The following GPRC6A variants were observed in gnomAD, a reference collection of about 807,000 sequenced individuals.
GPRC6A encodes the protein G protein-coupled receptor family C group 6 member A.
A neutral mutation model predicts 47.0 loss-of-function variants in GPRC6A; 54 were observed. The observed-to-expected ratio is 1.15, with a 90% confidence interval of 0.92 to 1.44. The LOEUF is 1.44. Among genes scored for constraint, GPRC6A ranks in the 40% most tolerant of loss-of-function variants. The pLI, the probability that GPRC6A is intolerant of heterozygous loss-of-function variation, is 0.00. For missense variants in GPRC6A, 1,112 were observed against 1,105.5 expected (o/e 1.01, Z -0.08); for synonymous variants, 347 against 377.1 (o/e 0.92, Z 0.93).
intron 1 of GPRC6A, among the ~76,000 whole-genome samples, chr6:116,818,511 G>A (rs1470708360): frequency 1.2e-5 from 1 of 81,772 alleles, no homozygotes; most frequent in African/African-American, 4.4e-5. Context: ...TCCAGCCTGG[G>A]CGACAGAGCG....
chr6:116,810,109 A>G (rs906916778), intron 1 of GPRC6A, among the ~76,000 whole-genome samples: 10 of 152,160 alleles, frequency 6.6e-5, no homozygotes, highest in Non-Finnish European at 1.0e-4. Flanking sequence ...GTTCTGAGAC[A>G]TAGCTATTTC....
intron 1 of GPRC6A, among the ~76,000 whole-genome samples, chr6:116,811,206 A>C (rs1001339159): frequency 6.6e-6 from 1 of 152,164 alleles, no homozygotes; most frequent in African/African-American, 2.4e-5. Context: ...AGTCATGGCC[A>C]AAAAAATCAA....
intron 1 of GPRC6A, among the ~76,000 whole-genome samples, chr6:116,814,564 G>A (rs956665692): frequency 3.9e-5 from 6 of 152,128 alleles, no homozygotes; most frequent in South Asian, 2.1e-4. Flanking sequence ...GAGATCACTT[G>A]GACACAGGGC....
chr6:116,818,040 G>T (rs1222423624), intron 1 of GPRC6A, among the ~76,000 whole-genome samples: 2 of 152,080 alleles, frequency 1.3e-5, no homozygotes. Flanking sequence ...ACGCCACAAA[G>T]ATACTCCTCG....
chr6:116,823,920 T>A (rs557844607), intron 1 of GPRC6A, among the ~76,000 whole-genome samples: 52 of 152,052 alleles, frequency 3.4e-4, no homozygotes, highest in Non-Finnish European at 5.6e-4. Context: ...AACTGTATCA[T>A]AAGAACAGCA....
intron 1 of GPRC6A, among the ~76,000 whole-genome samples, chr6:116,818,828 T>C (rs1773346707): frequency 6.6e-6 from 1 of 151,716 alleles, no homozygotes; most frequent in Non-Finnish European, 1.5e-5. Context: ...GCTATCATTA[T>C]AATGACAGGA....
chr6:116,798,885 A>G (rs992512247), intron 4 of GPRC6A, among the ~76,000 whole-genome samples: 64 of 129,058 alleles, frequency 5.0e-4, no homozygotes, highest in Admixed American at 1.8e-3. Flanking sequence ...TCCATCTTGG[A>G]AAAAAAAAAA....
chr6:116,795,893 T>G (rs1016905514), intron 4 of GPRC6A, 58 bp from the exon 5 acceptor site: 94 of 1,153,410 alleles, frequency 8.1e-5, no homozygotes, highest in Non-Finnish European at 1.1e-4. Flanking sequence ...ATTATCCTAA[T>G]CGATTATCCT....
chr6:116,793,783 A>G (rs550351920), intron 5 of GPRC6A, among the ~76,000 whole-genome samples: 15 of 152,320 alleles, frequency 9.8e-5, no homozygotes, highest in African/African-American at 3.6e-4. Context: ...ACAGACCATT[A>G]CACATAGTAG....
chr6:116,800,788 A>G lies in GPRC6A; in HGVS notation c.1344T>C (p.Gly448=). The part of the protein sequence containing the change: ...PNAFQPWELL[G]VLKNVTFTDG... ...CAGTGAATGTCACATTTTTTAGCAC[A>G]CCAAGTAACTATAAAAAATAAAAAC... The change falls in exon 4 of 6, where the codon GGT becomes GGC. Residue 448 remains glycine, a synonymous_variant. Transcript: ENST00000310357. 1 of 1,597,232 alleles carries G rather than the reference A, an allele frequency of 6.3e-7. No individual in the cohort carries two copies. Among genetic ancestry groups the G allele is most frequent in the Non-Finnish European group, 8.6e-7 (1 of 1,166,820 alleles).
intron 1 of GPRC6A, among the ~76,000 whole-genome samples, chr6:116,817,421 A>G (rs1397356218): frequency 6.6e-6 from 1 of 151,092 alleles, no homozygotes; most frequent in Non-Finnish European, 1.5e-5. Flanking sequence ...AGTAGATAAA[A>G]CCACAAAGAT....
At chr6:116,801,936 C>T (rs1460330073) in intron 3 of GPRC6A, among the ~76,000 whole-genome samples, 1 of 152,066 alleles carries the variant, frequency 6.6e-6, no homozygotes, top group Non-Finnish European at 1.5e-5. Flanking sequence ...AAAGAATATG[C>T]AAGGGCCTAC....
In GPRC6A at chr6:116,807,065, T is replaced by C; in HGVS notation, c.640A>G (p.Ile214Val). 1.2e-6 allele frequency: 2 copies of C among 1,613,812 alleles called. No homozygotes were observed. The highest frequency in any genetic ancestry group is 1.7e-6 in the Non-Finnish European group (2 of 1,179,760). Residue 214 changes from isoleucine (I) to valine (V), a missense_variant, in exon 3 of 6, where the codon ATA becomes GTA. Ile to Val is a conservative substitution (Grantham distance 29). Transcript: ENST00000310357. ...QKSGWNWIGI[I>V]TTDDDYGRLA... Reference sequence around the variant, plus strand: ...CGTCCATAGTCATCATCTGTGGTTATGATGCCAATCCAGTTCCAACCAGAT... The same window carrying C: ...CGTCCATAGTCATCATCTGTGGTTACGATGCCAATCCAGTTCCAACCAGAT...
Position 116,793,191 on chromosome 6 carries a change from T to C in GPRC6A, c.1732A>G (p.Met578Val). 3 of 1,611,594 alleles carry C rather than the reference T, an allele frequency of 1.9e-6. No homozygotes were observed. Among genetic ancestry groups the C allele is most frequent in the Non-Finnish European group, 2.5e-6 (3 of 1,178,352 alleles). ...KTHWAPVRST[M>V]CFEKEVEYLN... ...TATTCCACTTCCTTTTCAAAGCACA[T>C]AGTGCTCCTAACAGGGGCCCAGTGA... is the stretch of plus-strand genomic sequence containing the variant. Residue 578 changes from methionine (M) to valine (V), a missense_variant, in exon 6 of 6, where the codon ATG becomes GTG. Met to Val is a conservative substitution (Grantham distance 21). Coordinates refer to ENST00000310357, the MANE Select transcript of GPRC6A (RefSeq NM_148963.4).
At chr6:116,794,466 C>T (rs551861162) in intron 5 of GPRC6A, among the ~76,000 whole-genome samples, 55 of 152,184 alleles carry the variant, frequency 3.6e-4, no homozygotes, top group Non-Finnish European at 6.8e-4. Context: ...TAACTCCTAG[C>T]TTATCCTCCA....
chr6:116,817,898 C>T (rs1314858975), intron 1 of GPRC6A, among the ~76,000 whole-genome samples: 4 of 151,864 alleles, frequency 2.6e-5, no homozygotes, highest in African/African-American at 7.2e-5. Flanking sequence ...ACCAAATCTA[C>T]GTCTGATTGG....
Position 116,828,813 on chromosome 6 carries a change from TACTCACCCA to T in GPRC6A, c.192_194+6del. 6.2e-7 allele frequency: 1 copy of T among 1,604,754 alleles called. No individual in the cohort carries two copies. The highest frequency in any genetic ancestry group is 8.5e-7 in the Non-Finnish European group (1 of 1,173,978). ...AAATCTAAACGTGTTTTTTGAGACT[TACTCACCCA>T]ACACACTCCTGGATTTGTGGTCGTC... On this transcript the variant is annotated splice_donor_variant and splice_donor_5th_base_variant and coding_sequence_variant and intron_variant, in exon 1 of 6. Transcript: ENST00000310357. LOFTEE classifies it high-confidence loss of function.
At chr6:116,825,736 A>G (rs1773657964) in intron 1 of GPRC6A, among the ~76,000 whole-genome samples, 1 of 151,940 alleles carries the variant, frequency 6.6e-6, no homozygotes, top group Non-Finnish European at 1.5e-5. Context: ...TGGAGCAACA[A>G]CAAAAAAGCC....
chr6:116,806,933 T>C lies in GPRC6A; in HGVS notation c.772A>G (p.Ile258Val). The C allele has an allele frequency of 6.2e-7, 1 of 1,613,650 alleles. No homozygotes were observed. The highest frequency in any genetic ancestry group is 8.5e-7 in the Non-Finnish European group (1 of 1,179,726). Residue 258 changes from isoleucine to valine, a missense_variant, in exon 3 of 6, where the codon ATC becomes GTC. Physicochemically the swap from Ile to Val is conservative, Grantham distance 29. Coordinates refer to ENST00000310357, the MANE Select transcript of GPRC6A (RefSeq NM_148963.4). Reference sequence around the variant, plus strand: ...ATGATTTTCTTCAGTGTCCGATTGATTCTGACTTCAATGGTATTATCTGAA... The same window carrying C: ...ATGATTTTCTTCAGTGTCCGATTGACTCTGACTTCAATGGTATTATCTGAA... ...FLSDNTIEVR[I>V]NRTLKKIILE...
Sources: allele counts gnomAD v4.1 joint callset (sites outside exome capture counted in the v4.1 genomes callset), GRCh38; gene constraint gnomAD v4.1.1; transcripts MANE v1.5; gene names NCBI Gene and HGNC (gene_info 2026-07-23, HGNC 2026-07-21).